PRELID2: variants seen among roughly 807,000 people sequenced by gnomAD.
PRELID2 encodes PRELI domain containing 2.
PRELID2 carries 25 observed loss-of-function variants against 28.4 expected under a neutral mutation model. The observed-to-expected ratio is 0.88, with a 90% CI of 0.64 to 1.23. The LOEUF (loss-of-function observed/expected upper bound fraction) is 1.23. Ranked by LOEUF, PRELID2 falls within the 50% of genes most tolerant of loss-of-function variation. The probability of loss-of-function intolerance (pLI) is 0.00; values close to 1 mark genes in which losing one functional copy is unlikely to be tolerated. For synonymous variants in PRELID2, 76 were observed against 71.6 expected (o/e 1.06, Z -0.31); for missense variants, 201 against 214.4 (o/e 0.94, Z 0.39).
At chr5:145,815,381 G>T (rs1478140232) in intron 4 of PRELID2, among the ~76,000 whole-genome samples, 1 of 152,216 alleles carries the variant, frequency 6.6e-6, no homozygotes, top group Non-Finnish European at 1.5e-5. Context: ...TGCATGTCCT[G>T]AGAATCAGCT....
chr5:145,267,246 A>G, the PRELID2 span, among the ~76,000 whole-genome samples: 15 of 152,228 alleles, frequency 9.9e-5, no homozygotes, highest in Admixed American at 7.9e-4. Flanking sequence ...TATCTTGGCC[A>G]TGTTGGCAGC....
chr5:145,726,235 AGGAGGGAG>A (rs1202375766), intron 1 of PRELID2, among the ~76,000 whole-genome samples: 2 of 91,100 alleles, frequency 2.2e-5, no homozygotes, highest in African/African-American at 4.9e-5. Context: ...GAAGGAAGGA[AGGAGGGAG>A]GGAGGGAGGG....
intron 1 of PRELID2, among the ~76,000 whole-genome samples, chr5:145,721,246 T>C (rs1226956650): frequency 1.3e-5 from 2 of 152,098 alleles, no homozygotes; most frequent in African/African-American, 4.8e-5. Flanking sequence ...AAAAGTGAAA[T>C]GATGTCTTAG....
At chr5:145,350,963 G>A in the PRELID2 span, among the ~76,000 whole-genome samples, 1 of 152,160 alleles carries the variant, frequency 6.6e-6, no homozygotes, top group Non-Finnish European at 1.5e-5. Flanking sequence ...ATAGTAGCAG[G>A]CAGTTATTGA....
At chr5:145,528,890 G>A (rs1238851691) in intron 1 of PRELID2, among the ~76,000 whole-genome samples, 1 of 152,052 alleles carries the variant, frequency 6.6e-6, no homozygotes, top group African/African-American at 2.4e-5. Context: ...AGCAAATGAT[G>A]TTTAATGGGA....
the PRELID2 span, among the ~76,000 whole-genome samples, chr5:145,280,812 A>G: frequency 1.3e-5 from 2 of 151,848 alleles, no homozygotes; most frequent in Non-Finnish European, 2.9e-5. Context: ...TGAAAAAAAA[A>G]AAAAACAGAT....
chr5:145,256,137 TA>T, the PRELID2 span, among the ~76,000 whole-genome samples: 1 of 151,810 alleles, frequency 6.6e-6, no homozygotes, highest in African/African-American at 2.4e-5. Context: ...CTGCAGGCCA[TA>T]AAAAAGAATC....
chr5:145,750,980 C>T (rs563750380), intron 1 of PRELID2, among the ~76,000 whole-genome samples: 2 of 152,218 alleles, frequency 1.3e-5, no homozygotes, highest in South Asian at 2.1e-4. Flanking sequence ...AGAGATGTTG[C>T]GGTATAGAGG....
At chr5:145,250,468 A>G in the PRELID2 span, among the ~76,000 whole-genome samples, 1 of 152,164 alleles carries the variant, frequency 6.6e-6, no homozygotes, top group Non-Finnish European at 1.5e-5. Context: ...GGCTAAAAAG[A>G]AGCTGCTGAC....
At chr5:145,483,181 G>A (rs1752178462) in intron 1 of PRELID2, among the ~76,000 whole-genome samples, 1 of 152,160 alleles carries the variant, frequency 6.6e-6, no homozygotes, top group Non-Finnish European at 1.5e-5. Context: ...ATGTGACTTT[G>A]CAGCAATGCC....
chr5:145,397,739 C>G, the PRELID2 span, among the ~76,000 whole-genome samples: 7 of 152,164 alleles, frequency 4.6e-5, no homozygotes, highest in Middle Eastern at 3.2e-3. Context: ...ATTCTGGTGC[C>G]AGATGCCAAG....
the PRELID2 span, among the ~76,000 whole-genome samples, chr5:145,320,857 T>A: frequency 6.6e-6 from 1 of 152,218 alleles, no homozygotes; most frequent in Admixed American, 6.5e-5. Context: ...AAAAGTTAAC[T>A]CAGTTAAGGC....
At chr5:145,517,378 A>G (rs919410406) in intron 1 of PRELID2, among the ~76,000 whole-genome samples, 1 of 152,186 alleles carries the variant, frequency 6.6e-6, no homozygotes, top group African/African-American at 2.4e-5. Flanking sequence ...TGGCCAGAAA[A>G]ACATGAAAAA....
chr5:145,588,829 A>G (rs1753188086), intron 1 of PRELID2, among the ~76,000 whole-genome samples: 1 of 152,030 alleles, frequency 6.6e-6, no homozygotes, highest in South Asian at 2.1e-4. Flanking sequence ...AAGCCCTGCA[A>G]TGACTGTTTA....
the PRELID2 span, among the ~76,000 whole-genome samples, chr5:145,312,725 G>A: frequency 6.6e-6 from 1 of 151,872 alleles, no homozygotes; most frequent in Non-Finnish European, 1.5e-5. Flanking sequence ...ATTCCATTGT[G>A]TATATATACC....
chr5:145,731,820 G>A (rs185467798), intron 1 of PRELID2, among the ~76,000 whole-genome samples: 1 of 152,268 alleles, frequency 6.6e-6, no homozygotes, highest in Admixed American at 6.5e-5. Context: ...TGATTCCAGG[G>A]GGAAATCTGA....
chr5:145,381,231 C>A, the PRELID2 span, among the ~76,000 whole-genome samples: 1 of 152,114 alleles, frequency 6.6e-6, no homozygotes, highest in Admixed American at 6.6e-5. Context: ...CACTTTCCAT[C>A]AAAACACCTG....
the PRELID2 span, among the ~76,000 whole-genome samples, chr5:145,457,425 T>A: frequency 1.3e-5 from 2 of 152,196 alleles, no homozygotes; most frequent in Admixed American, 1.3e-4. Context: ...AAAGCAATGA[T>A]TGTGGCCATA....
At chr5:145,719,648 C>T (rs1378633509) in intron 1 of PRELID2, among the ~76,000 whole-genome samples, 1 of 151,878 alleles carries the variant, frequency 6.6e-6, no homozygotes, top group African/African-American at 2.4e-5. Flanking sequence ...ATAGTCTCCC[C>T]GGATTGCCAA....
Sources: allele counts gnomAD v4.1 joint callset (sites outside exome capture counted in the v4.1 genomes callset), GRCh38; gene constraint gnomAD v4.1.1; transcripts MANE v1.5; gene names NCBI Gene and HGNC (gene_info 2026-07-23, HGNC 2026-07-21).